LTF: variants seen among roughly 807,000 people sequenced by gnomAD.
LTF encodes lactotransferrin, also known as epididymis luminal protein 110.
In LTF, 91 loss-of-function variants were observed where a neutral mutation model predicts 87.2. The observed-to-expected ratio is 1.04, with a 90% CI of 0.88 to 1.24. The LOEUF (loss-of-function observed/expected upper bound fraction) is 1.24. Among genes scored for constraint, LTF ranks in the 50% most tolerant of loss-of-function variants. The pLI, the probability that LTF is intolerant of heterozygous loss-of-function variation, is 0.00. For missense variants in LTF, 901 were observed against 904.3 expected (o/e 1.00, Z 0.05); for synonymous variants, 378 against 356.1 (o/e 1.06, Z -0.69).
intron 1 of LTF, among the ~76,000 whole-genome samples, chr3:46,473,019 C>A (rs1001185368): frequency 1.3e-5 from 2 of 152,070 alleles, no homozygotes; most frequent in Non-Finnish European, 2.9e-5. Context: ...CATCTGGGCC[C>A]AGATGCATTC....
chr3:46,466,263 A>G (rs149271674), upstream of LTF, among the ~76,000 whole-genome samples: 335 of 152,216 alleles, frequency 2.2e-3, 1 homozygote, highest in Middle Eastern at 0.017. Context: ...AAAAAGGGTA[A>G]CTAAGTGAAG....
intron 1 of LTF, among the ~76,000 whole-genome samples, chr3:46,483,930 C>A (rs1430300358): frequency 6.6e-6 from 1 of 152,160 alleles, no homozygotes; most frequent in Non-Finnish European, 1.5e-5. Context: ...ATGTGAGCTG[C>A]TGCACCCTGG....
chr3:46,451,721 A>G (rs1702807982), intron 6 of LTF, among the ~76,000 whole-genome samples: 1 of 152,102 alleles, frequency 6.6e-6, no homozygotes, highest in South Asian at 2.1e-4. Context: ...CAGCCTCCCA[A>G]GTAGCTGGGA....
At chr3:46,463,013 C>T (rs536383994) in intron 1 of LTF, among the ~76,000 whole-genome samples, 2 of 152,050 alleles carry the variant, frequency 1.3e-5, no homozygotes, top group South Asian at 2.1e-4. Context: ...CAGTCCCCAG[C>T]CCCCCAAACA....
chr3:46,439,824 C>T (rs1432641977), intron 14 of LTF, among the ~76,000 whole-genome samples: 4 of 152,128 alleles, frequency 2.6e-5, no homozygotes, highest in South Asian at 4.1e-4. Flanking sequence ...TGCCTGTAAT[C>T]CCAGCCCTTT....
At chr3:46,455,174 G>A in intron 5 of LTF, 121 bp downstream of exon 5, 6 of 1,216,860 alleles carry the variant, frequency 4.9e-6, no homozygotes, top group Non-Finnish European at 7.1e-6. Context: ...AGCAGTAGGA[G>A]AACAGACCTC....
At chr3:46,439,962 G>C (rs1702478266) in intron 14 of LTF, among the ~76,000 whole-genome samples, 2 of 152,024 alleles carry the variant, frequency 1.3e-5, no homozygotes, top group Admixed American at 1.3e-4. Context: ...GAAATGTCCA[G>C]AATAGGCCAA....
intron 14 of LTF, among the ~76,000 whole-genome samples, chr3:46,440,335 C>T (rs1702489711): frequency 6.6e-6 from 1 of 151,968 alleles, no homozygotes; most frequent in Non-Finnish European, 1.5e-5. Context: ...ATTAGTGTAA[C>T]CAGAGAAAGG....
intron 1 of LTF, among the ~76,000 whole-genome samples, chr3:46,472,733 G>A (rs995076940): frequency 6.6e-6 from 1 of 152,090 alleles, no homozygotes; most frequent in African/African-American, 2.4e-5. Flanking sequence ...CTGTGGGTAT[G>A]GGGCTGGGGT....
At chr3:46,451,111 A>G (rs1248042097) in intron 6 of LTF, among the ~76,000 whole-genome samples, 1 of 152,220 alleles carries the variant, frequency 6.6e-6, no homozygotes, top group East Asian at 1.9e-4. Flanking sequence ...AAGGTGAGAC[A>G]CTTTCCAACA....
At position 46,443,566 on chromosome 3, in the gene LTF, T is replaced by C. The variant is rs1575307961; in HGVS notation, c.1530A>G (p.Gln510=). 9 of 1,613,798 alleles carry C rather than the reference T, an allele frequency of 5.6e-6. No homozygotes were observed. In the East Asian group the frequency reaches 1.8e-4, roughly 32 times the overall value. Residue 510 remains glutamine, a synonymous_variant, in exon 13 of 17, where the codon CAA becomes CAG. Transcript: ENST00000231751. The part of the protein sequence containing the change: ...GSCKFDEYFS[Q]SCAPGSDPRS... The stretch of plus-strand genomic sequence containing the variant: ...TCGGGTCAGACCCAGGGGCACAGCT[T>C]TGACTGAAATATTCATCTGGAGAGA...
At position 46,440,003 on chromosome 3, in the gene LTF, G is replaced by A. The variant is rs1464105124; in HGVS notation, c.1724-523C>T. Among the ~76,000 whole-genome samples, 3 of 152,238 alleles carry A rather than the reference G, an allele frequency of 2.0e-5. No homozygotes were observed. In the East Asian group the frequency reaches 5.8e-4, roughly 29 times the overall value. The stretch of plus-strand genomic sequence containing the variant: ...GGAGACAGAAAGTGGATTGATGGTT[G>A]CCAATGCTGAAGAAGGATAGGGCAA... On this transcript the variant is annotated intron_variant, in intron 14 of 16. Transcript: ENST00000231751.
chr3:46,472,483 G>C (rs551131778), intron 1 of LTF, among the ~76,000 whole-genome samples: 1 of 91,146 alleles, frequency 1.1e-5, no homozygotes, highest in East Asian at 4.6e-4. Flanking sequence ...TTTTGGAAAA[G>C]ATTATTGTGT....
chr3:46,482,609 G>GAAGAAAGAAAGAAAGAAAGAAAGAAGA lies in LTF; in HGVS notation c.-320+2376_-320+2377insTCTTCTTTCTTTCTTTCTTTCTTTCTT, dbSNP rs1703453345. Among the ~76,000 whole-genome samples, 7 of 56,988 alleles carry GAAGAAAGAAAGAAAGAAAGAAAGAAGA rather than the reference G, an allele frequency of 1.2e-4. 1 individual carries two copies. Among genetic ancestry groups the GAAGAAAGAAAGAAAGAAAGAAAGAAGA allele is most frequent in the African/African-American group, 3.0e-4 (4 of 13,128 alleles). 37.4% of individuals were successfully genotyped at this position (56,988 alleles called of 152,430 possible). On this transcript the variant is annotated intron_variant, in intron 1 of 19. Transcript: ENST00000443496. ...GGAGAAAGAGAGAGAAAGAAAGAAA[G>GAAGAAAGAAAGAAAGAAAGAAAGAAGA]AAGAAAGAAAGAAAGAAAGAAAGAA...
chr3:46,448,744 ATCCCT>A, intron 9 of LTF, 114 bp downstream of exon 9: 1 of 1,240,278 alleles, frequency 8.1e-7, no homozygotes, highest in East Asian at 2.6e-5. Flanking sequence ...CTCTCCAGGC[ATCCCT>A]GCCTCACCCA....
chr3:46,465,252 T>A, upstream of LTF: 1 of 253,142 alleles, frequency 4.0e-6, no homozygotes. Flanking sequence ...GAAGATCGCC[T>A]TGACCTGTGA....
At chr3:46,457,200 G>A (rs1331206687) in intron 2 of LTF, among the ~76,000 whole-genome samples, 7 of 152,198 alleles carry the variant, frequency 4.6e-5, no homozygotes, top group African/African-American at 9.7e-5. Flanking sequence ...GGACCCCTGG[G>A]ATACATCATA....
chr3:46,438,110 C>A lies in LTF; in HGVS notation c.1928G>T (p.Gly643Val). ...GCAAAACTTGTCCGGGCAGTCAGATCCATTTCTCCCAAATTTAGCCTGCGA... is the reference window on the plus strand; with the variant it reads ...GCAAAACTTGTCCGGGCAGTCAGATACATTTCTCCCAAATTTAGCCTGCGA... ...LHQQAKFGRN[G>V]SDCPDKFCLF... The change falls in exon 16 of 17, where the codon GGA becomes GTA. Residue 643 changes from glycine to valine, a missense_variant. Physicochemically the swap from Gly to Val is moderately radical, Grantham distance 109. Coordinates refer to ENST00000231751, the MANE Select transcript of LTF (RefSeq NM_002343.6). The A allele has an allele frequency of 6.2e-7, 1 of 1,613,106 alleles. No individual in the cohort carries two copies. Among genetic ancestry groups the A allele is most frequent in the Non-Finnish European group, 8.5e-7 (1 of 1,179,710 alleles).
chr3:46,477,076 T>C (rs1299913470), intron 1 of LTF, among the ~76,000 whole-genome samples: 1 of 152,256 alleles, frequency 6.6e-6, no homozygotes, highest in African/African-American at 2.4e-5. Context: ...TAGAAAATTC[T>C]GCTAGTTTTC....
Sources: allele counts gnomAD v4.1 joint callset (sites outside exome capture counted in the v4.1 genomes callset), GRCh38; gene constraint gnomAD v4.1.1; transcripts MANE v1.5; gene names NCBI Gene and HGNC (gene_info 2026-07-23, HGNC 2026-07-21).